TRAK2: variants seen among roughly 807,000 people sequenced by gnomAD.
The protein encoded by TRAK2 is trafficking kinesin-binding protein 2.
TRAK2 carries 81 observed loss-of-function variants against 104.6 expected under a neutral mutation model. The ratio of observed to expected loss-of-function variants is 0.77; its 90% CI spans 0.65 to 0.93. TRAK2 has a LOEUF of 0.93. Among genes scored for constraint, TRAK2 ranks in the 40% least tolerant of loss-of-function variants. TRAK2 has a pLI of 0.00. For synonymous variants in TRAK2, 406 were observed against 394.4 expected (o/e 1.03, Z -0.35); for missense variants, 1,002 against 1,089.0 (o/e 0.92, Z 1.12).
Position 201,380,384 on chromosome 2 carries a change from G to A in TRAK2, c.*159C>T. 1.3e-6 allele frequency: 1 copy of A among 761,006 alleles called. No homozygotes were observed. Among genetic ancestry groups the A allele is most frequent in the Non-Finnish European group, 2.1e-6 (1 of 475,778 alleles). 47.1% of individuals were successfully genotyped at this position (761,006 alleles called of 1,614,324 possible). ...AATTTGCCCGACTTCCTCCATTAGG[G>A]CTCATCCCAATTTTATTTCCATTCC... On this transcript the variant is annotated 3_prime_UTR_variant, in exon 16 of 16. Coordinates refer to ENST00000332624, the MANE Select transcript of TRAK2 (RefSeq NM_015049.3).
intron 1 of TRAK2, among the ~76,000 whole-genome samples, chr2:201,432,790 G>A (rs1016591223): frequency 6.6e-6 from 1 of 152,188 alleles, no homozygotes; most frequent in African/African-American, 2.4e-5. Flanking sequence ...TCTGCTGGGC[G>A]TAGAGCCTGG....
intron 2 of TRAK2, chr2:201,411,647 T>A: frequency 2.5e-6 from 2 of 797,458 alleles, no homozygotes; most frequent in Non-Finnish European, 4.5e-6. Flanking sequence ...CTTTGGTGAT[T>A]CCCAACTTAT....
At chr2:201,397,028 A>G (rs1951508721) in intron 7 of TRAK2, among the ~76,000 whole-genome samples, 1 of 152,210 alleles carries the variant, frequency 6.6e-6, no homozygotes, top group South Asian at 2.1e-4. Flanking sequence ...TCTTTTTCCA[A>G]CTGACTTGTT....
At chr2:201,411,867 T>C in intron 2 of TRAK2, 2 of 953,150 alleles carry the variant, frequency 2.1e-6, no homozygotes, top group Non-Finnish European at 3.5e-6. Context: ...TATCAAAGTA[T>C]GTTTCATGAT....
At chr2:201,389,552 A>T (rs1176757017) in intron 11 of TRAK2, 49 bp from the exon 12 acceptor site, 1 of 1,523,014 alleles carries the variant, frequency 6.6e-7, no homozygotes, top group Non-Finnish European at 9.0e-7. Flanking sequence ...CCACTAAAGC[A>T]TCTAGAGAAG....
intron 3 of TRAK2, among the ~76,000 whole-genome samples, chr2:201,402,954 A>C (rs911171745): frequency 2.7e-4 from 41 of 152,322 alleles, no homozygotes; most frequent in East Asian, 1.2e-3. Flanking sequence ...AAAATCAGGC[A>C]TCCTATAGGC....
At position 201,447,258 on chromosome 2, in the gene TRAK2, A is replaced by G. The variant is rs992929686; in HGVS notation, c.-200+4092T>C. Among the ~76,000 whole-genome samples, 1 of 152,216 alleles carries G rather than the reference A, an allele frequency of 6.6e-6. No individual in the cohort carries two copies. On this transcript the variant is annotated intron_variant, in intron 1 of 15. Transcript: ENST00000332624. The surrounding 1 kb of genome is among the most constrained non-coding windows in gnomAD (Gnocchi z 4.1). ...CTAATCCAGCCCCAGCCTAGTCTCC[A>G]GTTTCATTTCTCTCAACATTTATCT...
rs1388806481 is a variant in TRAK2 at position 201,395,385 on chromosome 2, G to C, written c.829C>G (p.Leu277Val). 2.5e-6 allele frequency: 4 copies of C among 1,600,004 alleles called. No individual in the cohort carries two copies. The highest frequency in any genetic ancestry group is 2.7e-5 in the African/African-American group (2 of 74,884). Reference protein sequence around the residue: ...TEELSGKSDELIRYQEELSSL... With the variant: ...TEELSGKSDEVIRYQEELSSL... Reference sequence around the variant, plus strand: ...GAAAGCTCTTCTTGGTATCGAATCAGCTCATCACTCTTCCCTGACAATTCT... The same window carrying C: ...GAAAGCTCTTCTTGGTATCGAATCACCTCATCACTCTTCCCTGACAATTCT... The change falls in exon 8 of 16, where the codon CTG becomes GTG. Residue 277 changes from leucine to valine, a missense_variant. By Grantham distance (32) the Leu-to-Val change is conservative (BLOSUM62 1). Transcript: ENST00000332624.
At chr2:201,419,073 CAAAAT>C (rs1264549338) in intron 2 of TRAK2, 1 of 152,048 alleles carries the variant, frequency 6.6e-6, no homozygotes, top group Non-Finnish European at 1.5e-5. Flanking sequence ...ATAAACAACT[CAAAAT>C]AAAATCTAGA....
At chr2:201,429,151 C>A (rs1951818886) in intron 1 of TRAK2, among the ~76,000 whole-genome samples, 2 of 152,168 alleles carry the variant, frequency 1.3e-5, no homozygotes, top group Non-Finnish European at 2.9e-5. Flanking sequence ...TAATTGAATA[C>A]CCTCTATTTC....
intron 1 of TRAK2, among the ~76,000 whole-genome samples, chr2:201,441,617 A>C (rs1034124176): frequency 1.3e-5 from 2 of 151,512 alleles, no homozygotes; most frequent in African/African-American, 2.4e-5. Flanking sequence ...GCATCTCAGA[A>C]GCATTTTAGT....
Position 201,408,517 on chromosome 2 carries a change from C to G in TRAK2, c.92-920G>C, listed in dbSNP as rs567909469. ...ACATATGCCCGTCTGTTGTTCCTGT[C>G]TTTATAACTATGCTTTTAAAGTTCA... On this transcript the variant is annotated intron_variant, in intron 2 of 15. Transcript: ENST00000332624. Among the ~76,000 whole-genome samples the G allele has an allele frequency of 2.6e-3, 400 of 152,172 alleles. 3 individuals are homozygous for G. Among genetic ancestry groups the G allele is most frequent in the African/African-American group, 8.8e-3 (365 of 41,520 alleles).
Position 201,407,615 on chromosome 2 carries a change from T to C in TRAK2, c.92-18A>G. The C allele has an allele frequency of 6.3e-7, 1 of 1,585,918 alleles. No individual in the cohort carries two copies. The highest frequency in any genetic ancestry group is 8.6e-7 in the Non-Finnish European group (1 of 1,167,644). ...GCAGACATCTAAAGAGGAGAGTCTATGTAAATGAATCCAATATATTTCAAC... is the reference window on the plus strand; with the variant it reads ...GCAGACATCTAAAGAGGAGAGTCTACGTAAATGAATCCAATATATTTCAAC... On this transcript the variant is annotated intron_variant, in intron 2 of 15. Coordinates refer to ENST00000332624, the MANE Select transcript of TRAK2 (RefSeq NM_015049.3).
intron 13 of TRAK2, among the ~76,000 whole-genome samples, chr2:201,387,466 G>A (rs1390751066): frequency 6.6e-6 from 1 of 152,104 alleles, no homozygotes; most frequent in South Asian, 2.1e-4. Context: ...CCCTGCTCAC[G>A]TTTATATTAA....
chr2:201,424,605 T>G (rs984832064), intron 1 of TRAK2, among the ~76,000 whole-genome samples: 4 of 143,712 alleles, frequency 2.8e-5, no homozygotes, highest in African/African-American at 7.7e-5. Flanking sequence ...TTTGTTTTTG[T>G]TTTTTTTTTG....
intron 1 of TRAK2, among the ~76,000 whole-genome samples, chr2:201,440,945 G>C (rs2125662558): frequency 6.6e-6 from 1 of 152,286 alleles, no homozygotes; most frequent in East Asian, 1.9e-4. Flanking sequence ...CAAAGGAAGG[G>C]ACCTTATTTT....
intron 10 of TRAK2, among the ~76,000 whole-genome samples, chr2:201,390,108 A>C (rs533649930): frequency 6.6e-6 from 1 of 152,348 alleles, no homozygotes; most frequent in Non-Finnish European, 1.5e-5. Context: ...GATAAATAGA[A>C]AATATATGTG....
intron 6 of TRAK2, chr2:201,397,907 C>T (rs1234397916): frequency 1.8e-6 from 1 of 569,350 alleles, no homozygotes; most frequent in Non-Finnish European, 3.1e-6. Flanking sequence ...GTAAACTCCA[C>T]AAGATACATT....
In TRAK2 at chr2:201,420,581, A is replaced by T; in HGVS notation, c.-74T>A. 8.0e-7 allele frequency: 1 copy of T among 1,245,304 alleles called. No individual in the cohort carries two copies. Among genetic ancestry groups the T allele is most frequent in the South Asian group, 1.2e-5 (1 of 81,352 alleles). 77.1% of individuals were successfully genotyped at this position (1,245,304 alleles called of 1,614,324 possible). On this transcript the variant is annotated 5_prime_UTR_variant, in exon 2 of 16. The change abolishes an upstream ATG in the 5' untranslated region. Transcript: ENST00000332624. ...CAGAGTAAAGGAAATCCATCAAGCC[A>T]TTCAATAATGAAATGGATTTGGTCA...
Sources: allele counts gnomAD v4.1 joint callset (sites outside exome capture counted in the v4.1 genomes callset), GRCh38; gene constraint gnomAD v4.1.1; non-coding constraint Gnocchi (gnomAD v3.1); transcripts MANE v1.5; gene names NCBI Gene and HGNC (gene_info 2026-07-23, HGNC 2026-07-21).